The following SPPL2A variants were observed in gnomAD, a reference collection of about 807,000 sequenced individuals.
The protein encoded by SPPL2A is signal peptide peptidase-like 2A.
Under a neutral mutation model 63.8 loss-of-function variants are expected in SPPL2A, and 51 were observed. That is an observed-to-expected ratio of 0.80 (90% CI 0.64 to 1.01). The LOEUF (loss-of-function observed/expected upper bound fraction) is 1.01, where lower values mean the gene tolerates loss of function less well. Ranked by LOEUF, SPPL2A falls within the 50% of genes least tolerant of loss-of-function variation. The probability of loss-of-function intolerance (pLI) is 0.00; values close to 1 mark genes in which losing one functional copy is unlikely to be tolerated. For synonymous variants in SPPL2A, 188 were observed against 205.8 expected (o/e 0.91, Z 0.74); for missense variants, 553 against 622.7 (o/e 0.89, Z 1.19).
chr15:50,739,952 T>A (rs186464133), intron 5 of SPPL2A, 124 bp from the exon 6 acceptor site: 282 of 454,526 alleles, frequency 6.2e-4, no homozygotes, highest in Non-Finnish European at 6.8e-5. Flanking sequence ...ATTAAAATAT[T>A]TTTATTTTAT....
rs1196710672 is a variant in SPPL2A at position 50,703,356 on chromosome 15, A to ATATATTTTTTTTT, written c.*4443_*4444insAAAAAAAAATATA. The ATATATTTTTTTTT allele has an allele frequency of 6.4e-5, 4 of 62,046 alleles. No individual in the cohort carries two copies. Among genetic ancestry groups the ATATATTTTTTTTT allele is most frequent in the African/African-American group, 2.8e-4 (4 of 14,228 alleles). 3.8% of individuals were successfully genotyped at this position (62,046 alleles called of 1,614,324 possible). A position where few individuals can be genotyped will look rare whatever the true frequency, so the allele number is the denominator to read the frequency against. On this transcript the variant is annotated 3_prime_UTR_variant, in exon 15 of 15. Transcript: ENST00000261854. ...TATATATATATATATACATATATAT[A>ATATATTTTTTTTT]TTTTTTTTTTTTTTTTTTTTTTTTG...
At chr15:50,752,648 G>C (rs2062919102) in intron 1 of SPPL2A, among the ~76,000 whole-genome samples, 1 of 151,690 alleles carries the variant, frequency 6.6e-6, no homozygotes, top group Non-Finnish European at 1.5e-5. Context: ...AACCTGGGTA[G>C]TGGAGGTTGC....
chr15:50,737,783 T>C (rs960416419), intron 6 of SPPL2A, among the ~76,000 whole-genome samples: 1 of 152,008 alleles, frequency 6.6e-6, no homozygotes, highest in South Asian at 2.1e-4. Flanking sequence ...AAAAAATACA[T>C]GTCATAAGCT....
rs1009520307 is a variant in SPPL2A at position 50,706,990 on chromosome 15, A to G, written c.*810T>C. The G allele has an allele frequency of 2.0e-5, 3 of 152,164 alleles. No individual in the cohort carries two copies. The highest frequency in any genetic ancestry group is 4.8e-5 in the African/African-American group (2 of 41,438). 9.4% of individuals were successfully genotyped at this position (152,164 alleles called of 1,614,324 possible). A position where few individuals can be genotyped will look rare whatever the true frequency, so the allele number is the denominator to read the frequency against. On this transcript the variant is annotated 3_prime_UTR_variant, in exon 15 of 15. Coordinates refer to ENST00000261854, the MANE Select transcript of SPPL2A (RefSeq NM_032802.4). ...GATTGGGTTTAAAAAAATACTACAA[A>G]AATATGCACTTATATTTCCAAAATT...
rs928194840 is a variant in SPPL2A at position 50,703,865 on chromosome 15, C to T, written c.*3935G>A. On this transcript the variant is annotated 3_prime_UTR_variant, in exon 15 of 15. Coordinates refer to ENST00000261854, the MANE Select transcript of SPPL2A (RefSeq NM_032802.4). ...GTAAAAATAGTAATTTTTGCTTATA[C>T]TAAAGCATAAATTGAAAGAGCAAAG... The T allele has an allele frequency of 1.3e-5, 2 of 151,872 alleles. No individual in the cohort carries two copies. The highest frequency in any genetic ancestry group is 4.8e-5 in the African/African-American group (2 of 41,300). 9.4% of individuals were successfully genotyped at this position (151,872 alleles called of 1,614,324 possible).
intron 14 of SPPL2A, among the ~76,000 whole-genome samples, chr15:50,709,432 A>G (rs2062539400): frequency 6.6e-6 from 1 of 152,216 alleles, no homozygotes; most frequent in South Asian, 2.1e-4. Context: ...TGCCAGGCAG[A>G]AAGAATACAA....
At chr15:50,733,291 T>G (rs1367224841) in intron 8 of SPPL2A, among the ~76,000 whole-genome samples, 5 of 152,218 alleles carry the variant, frequency 3.3e-5, no homozygotes, top group Admixed American at 6.6e-5. Flanking sequence ...GTATGAGCTT[T>G]GTTTCCCAAA....
rs2062504101 is a variant in SPPL2A, at chr15:50,705,876, T to G, written c.*1924A>C. On this transcript the variant is annotated 3_prime_UTR_variant, in exon 15 of 15. Transcript: ENST00000261854. ...AGTTCTGTTCACATATTTTATACAT[T>G]ATTTACAGAGAAATGAAAAATCCTG... The G allele has an allele frequency of 6.6e-6, 1 of 152,240 alleles. No individual in the cohort carries two copies. Among genetic ancestry groups the G allele is most frequent in the African/African-American group, 2.4e-5 (1 of 41,462 alleles). The allele number at this position is 152,240 out of a possible 1,614,324, so 9.4% of individuals were successfully genotyped here. A position where few individuals can be genotyped will look rare whatever the true frequency, so the allele number is the denominator to read the frequency against.
Position 50,748,132 on chromosome 15 carries a change from T to A in SPPL2A, c.431A>T (p.Asp144Val). ...KILIAFISYK[D>V]FRDMNQTLGD... ...ATTTACCTGGTTCATATCTCTAAAG[T>A]CTTTGTAGCTTATAAATGCAATCAG... Residue 144 changes from aspartate to valine, a missense_variant, in exon 4 of 15, where the codon GAC becomes GTC. Coordinates refer to ENST00000261854, the MANE Select transcript of SPPL2A (RefSeq NM_032802.4). 1 of 1,466,008 alleles carries A rather than the reference T, an allele frequency of 6.8e-7. No individual in the cohort carries two copies. Among genetic ancestry groups the A allele is most frequent in the East Asian group, 2.5e-5 (1 of 40,416 alleles). The allele number at this position is 1,466,008 out of a possible 1,614,324, so 90.8% of individuals were successfully genotyped here.
intron 14 of SPPL2A, among the ~76,000 whole-genome samples, chr15:50,708,695 ACT>A (rs1441371317): frequency 7.9e-6 from 1 of 125,868 alleles, no homozygotes; most frequent in African/African-American, 3.2e-5. Context: ...ACAGAGTGAG[ACT>A]CTGTCAAAAA....
chr15:50,757,089 C>CTTTCTTTTTTTTTTTTTTT (rs537107994), intron 1 of SPPL2A, among the ~76,000 whole-genome samples: 2 of 128,374 alleles, frequency 1.6e-5, no homozygotes, highest in African/African-American at 6.1e-5. Context: ...TAAATCCTTT[C>CTTTCTTTTTTTTTTTTTTT]TTTTTTTTTT....
At chr15:50,752,492 T>G (rs1017717116) in intron 1 of SPPL2A, among the ~76,000 whole-genome samples, 2 of 151,720 alleles carry the variant, frequency 1.3e-5, no homozygotes, top group Admixed American at 1.3e-4. Context: ...CCGAGGCGGG[T>G]AGACCACCTG....
Position 50,735,805 on chromosome 15 carries a change from G to A in SPPL2A, c.932+296C>T, listed in dbSNP as rs566195807. ...TTGGTCAGGCTGGTCTCAAACTCCC[G>A]ACCTCAGGTGATCCGCCTGCCTCGG... is the stretch of plus-strand genomic sequence containing the variant. On this transcript the variant is annotated intron_variant, in intron 8 of 14. Transcript: ENST00000261854. 1.6e-3 allele frequency among the ~76,000 whole-genome samples: 245 copies of A among 152,204 alleles called. 2 individuals carry two copies. Among genetic ancestry groups the A allele is most frequent in the South Asian group, 7.0e-3 (34 of 4,824 alleles).
intron 8 of SPPL2A, 104 bp from the exon 9 acceptor site, chr15:50,732,788 C>G (rs973257029): frequency 8.7e-6 from 6 of 687,576 alleles, no homozygotes; most frequent in African/African-American, 5.6e-5. Flanking sequence ...TATGATTTGA[C>G]TATTCCTTTT....
chr15:50,749,902 G>T lies in SPPL2A; in HGVS notation c.67-156C>A, dbSNP rs145475050. ...TCTTCTTGTTTGAGGAAATAAAAAG[G>T]ATGGTTAGGAATATTAAAACTATAC... On this transcript the variant is annotated intron_variant, in intron 1 of 14. Coordinates refer to ENST00000261854, the MANE Select transcript of SPPL2A (RefSeq NM_032802.4). 390 of 613,950 alleles carry T rather than the reference G, an allele frequency of 6.4e-4. 4 individuals carry two copies. In the African/African-American group the frequency reaches 6.4e-3, roughly 10 times the overall value. 38.0% of individuals were successfully genotyped at this position (613,950 alleles called of 1,614,324 possible).
intron 5 of SPPL2A, chr15:50,746,614 T>C (rs2062859872): frequency 1.3e-5 from 2 of 151,570 alleles, no homozygotes; most frequent in Non-Finnish European, 1.5e-5. Context: ...TGGTGTTTAG[T>C]GGTTATTTAA....
chr15:50,736,266 G>C, intron 7 of SPPL2A, 64 bp from the exon 8 acceptor site: 1 of 964,794 alleles, frequency 1.0e-6, no homozygotes, highest in South Asian at 1.3e-5. Flanking sequence ...GATATAAGAA[G>C]TAGCAAATAT....
At chr15:50,731,539 C>CT (rs1165240268) in intron 9 of SPPL2A, among the ~76,000 whole-genome samples, 5 of 150,940 alleles carry the variant, frequency 3.3e-5, no homozygotes, top group African/African-American at 1.2e-4. Context: ...GAGTGAAACT[C>CT]TGTCTTGGAA....
chr15:50,725,193 T>G (rs1320195355), intron 12 of SPPL2A, 28 bp downstream of exon 12: 1 of 1,280,034 alleles, frequency 7.8e-7, no homozygotes, highest in Non-Finnish European at 1.1e-6. Context: ...TGTTTTTTTT[T>G]TTAACTAAAA....
Sources: allele counts gnomAD v4.1 joint callset (sites outside exome capture counted in the v4.1 genomes callset), GRCh38; gene constraint gnomAD v4.1.1; transcripts MANE v1.5; gene names NCBI Gene and HGNC (gene_info 2026-07-23, HGNC 2026-07-21).